Variants in EDA observed in about 807,000 individuals in gnomAD.
The protein encoded by EDA is ectodysplasin-A.
EDA carries 2 observed loss-of-function variants against 23.6 expected under a neutral mutation model. That is an observed-to-expected ratio of 0.08 (90% CI 0.03 to 0.27). EDA has a LOEUF of 0.27. EDA is among the 10% of genes least tolerant of loss of function. The pLI is 1.00. For missense variants in EDA, 229 were observed against 324.2 expected, an observed-to-expected ratio of 0.71 and a Z score of 2.26; for synonymous variants, 131 against 132.0, an observed-to-expected ratio of 0.99 and a Z score of 0.05.
chrX:69,946,996 G>C (rs2018842598), intron 1 of EDA, among the ~76,000 whole-genome samples: 3 of 112,454 alleles, frequency 2.7e-5, no homozygotes, highest in South Asian at 3.7e-4. Context: ...GGTTGTGTTT[G>C]AGCTAATGTT....
At chrX:69,999,745 T>G (rs1462493754) in intron 2 of EDA, among the ~76,000 whole-genome samples, 1 of 111,241 alleles carries the variant, frequency 9.0e-6, no homozygotes, top group Non-Finnish European at 1.9e-5. Context: ...GAGAAATAAT[T>G]CCTCTCAGTT....
intron 2 of EDA, among the ~76,000 whole-genome samples, chrX:69,975,766 A>G (rs1296360614): frequency 8.9e-6 from 1 of 112,519 alleles, no homozygotes; most frequent in Admixed American, 9.4e-5. Flanking sequence ...TATCTCATTA[A>G]TACACATCTA....
At chrX:69,969,247 G>A (rs2019215184) in intron 2 of EDA, among the ~76,000 whole-genome samples, 1 of 112,134 alleles carries the variant, frequency 8.9e-6, no homozygotes, top group African/African-American at 3.2e-5. Context: ...CAGAAGAGTG[G>A]GAAGAAGATT....
At chrX:69,918,915 G>A (rs2018385530) in intron 1 of EDA, among the ~76,000 whole-genome samples, 1 of 110,235 alleles carries the variant, frequency 9.1e-6, no homozygotes, top group African/African-American at 3.3e-5. Context: ...ACCCATAGCT[G>A]ATAGATAAGT....
At chrX:70,008,899 C>T (rs2019837087) in intron 2 of EDA, among the ~76,000 whole-genome samples, 1 of 111,219 alleles carries the variant, frequency 9.0e-6, no homozygotes, top group Non-Finnish European at 1.9e-5. Flanking sequence ...AGTGAAACCA[C>T]TGGGGCCTGG....
Position 69,677,686 on chromosome X carries a change from G to C in EDA, c.396+60982G>C, listed in dbSNP as rs1308288205. Among the ~76,000 whole-genome samples the C allele has an allele frequency of 8.1e-5, 9 of 111,587 alleles. No homozygotes were observed. In the Admixed American group the frequency reaches 8.5e-4, roughly 11 times the overall value. On this transcript the variant is annotated intron_variant, in intron 1 of 7. Coordinates refer to ENST00000374552, the MANE Select transcript of EDA (RefSeq NM_001399.5). ...TTTTTGATGGGGTTGTTTTTTTCTT[G>C]TAAATTTGTTTGAGTTCATTGTAGA... is the stretch of plus-strand genomic sequence containing the variant.
At chrX:69,782,259 G>A (rs989988111) in intron 1 of EDA, among the ~76,000 whole-genome samples, 5 of 108,243 alleles carry the variant, frequency 4.6e-5, no homozygotes, top group Non-Finnish European at 3.8e-5. Flanking sequence ...GTGACTGGGA[G>A]GAGGAAGAGA....
chrX:69,733,944 C>T (rs904135939), intron 1 of EDA, among the ~76,000 whole-genome samples: 2 of 108,522 alleles, frequency 1.8e-5, no homozygotes, highest in African/African-American at 3.3e-5. Flanking sequence ...AGGTAATAAT[C>T]GCTTCATATA....
intron 5 of EDA, 121 bp downstream of exon 5, chrX:70,029,659 T>C (rs2020171316): frequency 2.6e-6 from 2 of 783,517 alleles, no homozygotes; most frequent in Non-Finnish European, 3.8e-6. Context: ...CCGGAGATTC[T>C]GACGGTTTTC....
chrX:70,034,352 G>A (rs1391247820), intron 7 of EDA, among the ~76,000 whole-genome samples: 3 of 111,745 alleles, frequency 2.7e-5, no homozygotes, highest in Non-Finnish European at 5.6e-5. Flanking sequence ...TGAGCACCCC[G>A]CTGTAGCTTG....
chrX:69,619,251 A>G (rs780648640), intron 1 of EDA, among the ~76,000 whole-genome samples: 1 of 112,322 alleles, frequency 8.9e-6, no homozygotes, highest in South Asian at 3.7e-4. Flanking sequence ...TTACCAGTTT[A>G]TCTGTAAGGA....
In EDA at chrX:70,033,468, C is replaced by T. The variant is rs1569406470; in HGVS notation, c.864C>T (p.Pro288=). ...TMNPKVFKLH[P]RSGELEVLVD... is the part of the protein sequence containing the mutation. ...ACCCCAAGGTGTTTAAGCTACATCCCCGCAGCGGGGAGCTGGAGGTACTGG... is the reference window on the plus strand; with the variant it reads ...ACCCCAAGGTGTTTAAGCTACATCCTCGCAGCGGGGAGCTGGAGGTACTGG... Residue 288 remains proline, a synonymous_variant, in exon 7 of 8, where the codon CCC becomes CCT. Coordinates refer to ENST00000374552, the MANE Select transcript of EDA (RefSeq NM_001399.5). The T allele has an allele frequency of 1.7e-6, 2 of 1,211,847 alleles. No homozygotes were observed. Among genetic ancestry groups the T allele is most frequent in the Admixed American group, 4.3e-5 (2 of 46,087 alleles).
intron 2 of EDA, among the ~76,000 whole-genome samples, chrX:69,999,676 C>T (rs1244750112): frequency 9.3e-6 from 1 of 107,834 alleles, no homozygotes; most frequent in Admixed American, 9.9e-5. Flanking sequence ...AGGCCCAAAT[C>T]GAGATATTAC....
At chrX:70,018,518 A>T (rs2019985419) in intron 2 of EDA, among the ~76,000 whole-genome samples, 1 of 111,923 alleles carries the variant, frequency 8.9e-6, no homozygotes, top group Non-Finnish European at 1.9e-5. Context: ...TAGGTAGCCC[A>T]GAAATAATGT....
At chrX:69,818,310 A>G (rs141361572) in intron 1 of EDA, among the ~76,000 whole-genome samples, 2,491 of 111,267 alleles carry the variant, frequency 0.022, 53 homozygotes, top group African/African-American at 0.078. Flanking sequence ...AACTAAAAGA[A>G]CTAGAGAACC....
chrX:69,617,325 A>C, intron 1 of EDA: 1 of 139,159 alleles, frequency 7.2e-6, no homozygotes, highest in Non-Finnish European at 1.6e-5. Context: ...GTCTTGCTAG[A>C]CAACTTCTGA....
At chrX:69,913,065 G>C (rs1346431824) in intron 1 of EDA, among the ~76,000 whole-genome samples, 4 of 111,896 alleles carry the variant, frequency 3.6e-5, no homozygotes, top group Non-Finnish European at 7.5e-5. Flanking sequence ...ACCACACCCG[G>C]TGAAGATTTA....
intron 1 of EDA, among the ~76,000 whole-genome samples, chrX:69,942,763 T>C (rs1183470724): frequency 1.8e-5 from 2 of 111,627 alleles, no homozygotes; most frequent in South Asian, 3.8e-4. Context: ...TTCTCTGTTA[T>C]CCCTTTGAAG....
rs554159528 is a variant in EDA, at chrX:69,789,562, C to T, written c.397-167465C>T. Among the ~76,000 whole-genome samples the T allele has an allele frequency of 2.7e-5, 3 of 111,926 alleles. No individual in the cohort carries two copies. In the Admixed American group the frequency reaches 2.8e-4, roughly 11 times the overall value. On this transcript the variant is annotated intron_variant, in intron 1 of 7. Coordinates refer to ENST00000374552, the MANE Select transcript of EDA (RefSeq NM_001399.5). ...GTTAAAACCTTTGTCAAAGCAATTT[C>T]GGGCTAAATTCCCAAACTCATTGTC... is the stretch of plus-strand genomic sequence containing the variant.
Sources: gnomAD v4.1 joint callset for allele counts (sites outside exome capture counted in the v4.1 genomes callset) on GRCh38, gnomAD v4.1.1 for gene constraint, MANE v1.5 for transcripts, NCBI Gene and HGNC (gene_info 2026-07-23, HGNC 2026-07-21) for gene names.